CAMK2D: variants seen among roughly 807,000 people sequenced by gnomAD.
CAMK2D encodes calcium/calmodulin-dependent protein kinase type II subunit delta.
In CAMK2D, 37 loss-of-function variants were observed where a neutral mutation model predicts 84.0. The ratio of observed to expected loss-of-function variants is 0.44; its 90% CI spans 0.34 to 0.58. The LOEUF (loss-of-function observed/expected upper bound fraction) is 0.58. Among genes scored for constraint, CAMK2D ranks in the 20% least tolerant of loss-of-function variants. The probability of loss-of-function intolerance (pLI) is 0.02; values close to 1 mark genes in which losing one functional copy is unlikely to be tolerated. For missense variants in CAMK2D, 448 were observed against 652.5 expected, an observed-to-expected ratio of 0.69 and a Z score of 3.41; for synonymous variants, 202 against 212.5, an observed-to-expected ratio of 0.95 and a Z score of 0.43.
chr4:113,567,418 G>A (rs990449261), intron 4 of CAMK2D, among the ~76,000 whole-genome samples: 5 of 151,926 alleles, frequency 3.3e-5, no homozygotes, highest in African/African-American at 7.3e-5. Context: ...TCTGCCTGCC[G>A]CAGCCTCCCA....
At chr4:113,458,443 T>C (rs1387769220) in intron 18 of CAMK2D, among the ~76,000 whole-genome samples, 3 of 152,240 alleles carry the variant, frequency 2.0e-5, no homozygotes, top group African/African-American at 4.8e-5. Context: ...ATTCAAATTA[T>C]ATAAAATATT....
At chr4:113,625,569 C>T (rs2099064228) in intron 3 of CAMK2D, among the ~76,000 whole-genome samples, 1 of 152,020 alleles carries the variant, frequency 6.6e-6, no homozygotes, top group South Asian at 2.1e-4. Flanking sequence ...TACAAAGATC[C>T]TATAGCAAGA....
At chr4:113,720,858 T>C (rs771087876) in intron 2 of CAMK2D, among the ~76,000 whole-genome samples, 7 of 152,100 alleles carry the variant, frequency 4.6e-5, no homozygotes, top group African/African-American at 1.7e-4. Flanking sequence ...CAATCAGATA[T>C]GATGCCCAAT....
At chr4:113,569,381 G>A (rs182740366) in intron 4 of CAMK2D, among the ~76,000 whole-genome samples, 2 of 152,048 alleles carry the variant, frequency 1.3e-5, no homozygotes, top group East Asian at 3.8e-4. Flanking sequence ...CTTACATTTA[G>A]GTCTTTGATC....
rs1229004213 is a variant in CAMK2D, at chr4:113,453,020, CTG to C, written c.*1523_*1524del. On this transcript the variant is annotated 3_prime_UTR_variant, in exon 21 of 21. Transcript: ENST00000511664. ...TGCTTTAAAAATAGGCTTCTGAGGA[CTG>C]TGAATTACTATCGTTAAAATAACAA... 2.0e-5 allele frequency: 3 copies of C among 152,158 alleles called. No homozygotes were observed. The highest frequency in any genetic ancestry group is 1.5e-5 in the Non-Finnish European group (1 of 68,004). 9.4% of individuals were successfully genotyped at this position (152,158 alleles called of 1,614,324 possible).
At chr4:113,643,952 G>C (rs1175166362) in intron 3 of CAMK2D, among the ~76,000 whole-genome samples, 1 of 152,142 alleles carries the variant, frequency 6.6e-6, no homozygotes, top group African/African-American at 2.4e-5. Context: ...TTCTCTTCAT[G>C]AGATATTTGC....
intron 16 of CAMK2D, among the ~76,000 whole-genome samples, chr4:113,476,911 A>T (rs1432163392): frequency 1.3e-5 from 2 of 152,270 alleles, no homozygotes; most frequent in African/African-American, 4.8e-5. Context: ...CTAACTCAGC[A>T]CATGAAGACA....
At chr4:113,517,461 T>G in intron 9 of CAMK2D, 102 bp downstream of exon 9, 1 of 529,514 alleles carries the variant, frequency 1.9e-6, no homozygotes, top group Admixed American at 2.7e-5. Flanking sequence ...TATGAGAAAG[T>G]GGTAAAAATT....
intron 5 of CAMK2D, among the ~76,000 whole-genome samples, chr4:113,548,216 A>G (rs571433785): frequency 6.7e-4 from 102 of 152,264 alleles, no homozygotes; most frequent in South Asian, 1.5e-3. Context: ...CTGGCAATTA[A>G]TATCTCTTGC....
At chr4:113,609,266 C>A in intron 3 of CAMK2D, 60 bp from the exon 4 acceptor site, 1 of 867,218 alleles carries the variant, frequency 1.2e-6, no homozygotes, top group Non-Finnish European at 2.0e-6. Flanking sequence ...CAACGTTAAA[C>A]CCCACTTCAC....
chr4:113,653,970 G>A (rs1592547269), intron 3 of CAMK2D, among the ~76,000 whole-genome samples: 1 of 151,952 alleles, frequency 6.6e-6, no homozygotes, highest in African/African-American at 2.4e-5. Context: ...AAAACTTGAG[G>A]AATGGTATTT....
At chr4:113,467,458 A>G (rs932045018) in intron 16 of CAMK2D, among the ~76,000 whole-genome samples, 1 of 152,220 alleles carries the variant, frequency 6.6e-6, no homozygotes, top group Non-Finnish European at 1.5e-5. Flanking sequence ...AACAAATACA[A>G]GTAATAAACT....
intron 4 of CAMK2D, among the ~76,000 whole-genome samples, chr4:113,586,463 G>C (rs2098834753): frequency 6.6e-6 from 1 of 152,102 alleles, no homozygotes; most frequent in South Asian, 2.1e-4. Context: ...ATTTTGGATT[G>C]CTGCCCCTTG....
intron 2 of CAMK2D, among the ~76,000 whole-genome samples, chr4:113,717,367 T>G (rs1241662790): frequency 6.6e-6 from 1 of 152,008 alleles, no homozygotes; most frequent in African/African-American, 2.4e-5. Flanking sequence ...CCAATATGAG[T>G]TTTTAAAATG....
chr4:113,734,449 TAC>T (rs914200725), intron 2 of CAMK2D, among the ~76,000 whole-genome samples: 16 of 152,204 alleles, frequency 1.1e-4, no homozygotes, highest in Non-Finnish European at 1.8e-4. Flanking sequence ...GTAGAATTTT[TAC>T]ATTGTTCTCT....
chr4:113,737,390 A>G (rs1217683326), intron 2 of CAMK2D, among the ~76,000 whole-genome samples: 1 of 152,200 alleles, frequency 6.6e-6, no homozygotes, highest in African/African-American at 2.4e-5. Flanking sequence ...TCAGACAGAA[A>G]AAGACAAGTA....
rs2098970260 is a variant in CAMK2D, at chr4:113,604,758, T to C, written c.275+4394A>G. 2.6e-5 allele frequency among the ~76,000 whole-genome samples: 4 copies of C among 152,368 alleles called. 1 individual carries two copies. In the South Asian group the frequency reaches 8.3e-4, roughly 32 times the overall value. On this transcript the variant is annotated intron_variant, in intron 4 of 20. Coordinates refer to ENST00000511664, the MANE Select transcript of CAMK2D (RefSeq NM_001321571.2). ...CATGTGAACTGCTTTCTTTATGTTC[T>C]TCACCAAATATTATGCTGAATTTCT...
At chr4:113,565,360 CAA>C (rs531376618) in intron 4 of CAMK2D, among the ~76,000 whole-genome samples, 1 of 151,324 alleles carries the variant, frequency 6.6e-6, no homozygotes, top group African/African-American at 2.4e-5. Context: ...ACGCAGAAGT[CAA>C]AAAAAAGGCT....
intron 13 of CAMK2D, among the ~76,000 whole-genome samples, chr4:113,509,435 T>C (rs866028849): frequency 2.0e-5 from 3 of 152,318 alleles, no homozygotes; most frequent in South Asian, 2.1e-4. Flanking sequence ...ATTTCATATA[T>C]AATCCAACAG....
Sources: gnomAD v4.1 joint callset for allele counts (sites outside exome capture counted in the v4.1 genomes callset) on GRCh38, gnomAD v4.1.1 for gene constraint, MANE v1.5 for transcripts, NCBI Gene and HGNC (gene_info 2026-07-23, HGNC 2026-07-21) for gene names.